Variants in CAMK1D observed in about 807,000 individuals in gnomAD.
The protein encoded by CAMK1D is calcium/calmodulin dependent protein kinase ID.
In CAMK1D, 9 loss-of-function variants were observed where a neutral mutation model predicts 47.7. That is an observed-to-expected ratio of 0.19 (90% CI 0.11 to 0.33). CAMK1D has a LOEUF of 0.33. Among genes scored for constraint, CAMK1D ranks in the 10% least tolerant of loss-of-function variants. The pLI is 1.00. For missense variants in CAMK1D, 291 were observed against 488.7 expected, an observed-to-expected ratio of 0.60 and a Z score of 3.81; for synonymous variants, 184 against 184.9, an observed-to-expected ratio of 0.99 and a Z score of 0.04.
chr10:12,387,694 T>A (rs911798403), intron 1 of CAMK1D, among the ~76,000 whole-genome samples: 1 of 151,308 alleles, frequency 6.6e-6, no homozygotes, highest in Non-Finnish European at 1.5e-5. Flanking sequence ...CTCGCTATGT[T>A]GCTCAGCTTG....
rs558644046 is a variant in CAMK1D, at chr10:12,494,418, G to A, written c.93-58807G>A. On this transcript the variant is annotated intron_variant, in intron 1 of 10. Transcript: ENST00000619168. ...TTTAATATTAATGTTACACACACAC[G>A]TACACACACACACATATATACTTAT... 1.1e-4 allele frequency among the ~76,000 whole-genome samples: 16 copies of A among 151,922 alleles called. No individual in the cohort carries two copies. In the South Asian group the frequency reaches 2.3e-3, roughly 22 times the overall value.
chr10:12,731,720 G>A (rs763228816), intron 3 of CAMK1D, among the ~76,000 whole-genome samples: 1 of 152,188 alleles, frequency 6.6e-6, no homozygotes, highest in Non-Finnish European at 1.5e-5. Context: ...GTGAAAAGAT[G>A]ACAGATGGAA....
At chr10:12,377,367 C>T (rs1838214855) in intron 1 of CAMK1D, among the ~76,000 whole-genome samples, 1 of 152,126 alleles carries the variant, frequency 6.6e-6, no homozygotes, top group Admixed American at 6.6e-5. Flanking sequence ...TTTATTTTCT[C>T]AAATGGCTAA....
intron 1 of CAMK1D, among the ~76,000 whole-genome samples, chr10:12,526,299 A>G (rs1002220167): frequency 6.6e-6 from 1 of 152,196 alleles, no homozygotes; most frequent in Non-Finnish European, 1.5e-5. Flanking sequence ...AGGAGTTAGT[A>G]TGGGACTTAC....
At chr10:12,538,610 A>G (rs1306507056) in intron 1 of CAMK1D, among the ~76,000 whole-genome samples, 1 of 152,162 alleles carries the variant, frequency 6.6e-6, no homozygotes, top group East Asian at 1.9e-4. Flanking sequence ...TGCGATGATG[A>G]GGATGGAGTG....
At chr10:12,653,762 T>C (rs1840044692) in intron 2 of CAMK1D, among the ~76,000 whole-genome samples, 1 of 152,230 alleles carries the variant, frequency 6.6e-6, no homozygotes, top group Non-Finnish European at 1.5e-5. Flanking sequence ...TCTTTTACAA[T>C]TGGCTTCCCA....
chr10:12,661,413 G>A (rs1840271321), intron 2 of CAMK1D, among the ~76,000 whole-genome samples: 1 of 152,126 alleles, frequency 6.6e-6, no homozygotes, highest in Non-Finnish European at 1.5e-5. Flanking sequence ...CTGTGATCTT[G>A]GAATACTTAC....
chr10:12,828,711 A>T, intron 10 of CAMK1D, 58 bp from the exon 11 acceptor site: 1 of 1,355,824 alleles, frequency 7.4e-7, no homozygotes, highest in Non-Finnish European at 1.0e-6. Context: ...TGGCAGTGGG[A>T]AGCAGGGTGA....
chr10:12,824,442 C>T (rs766893329), intron 8 of CAMK1D, 23 bp from the exon 9 acceptor site: 4 of 1,607,438 alleles, frequency 2.5e-6, no homozygotes, highest in Non-Finnish European at 3.4e-6. Context: ...CACTTCAGAG[C>T]AGCACCTTTG....
At chr10:12,788,757 CG>C (rs1414542429) in intron 5 of CAMK1D, among the ~76,000 whole-genome samples, 1 of 152,208 alleles carries the variant, frequency 6.6e-6, no homozygotes. Flanking sequence ...TCTTAGCAGT[CG>C]GGGCGGACGA....
chr10:12,828,635 C>T, intron 10 of CAMK1D, 134 bp from the exon 11 acceptor site: 2 of 644,402 alleles, frequency 3.1e-6, no homozygotes, highest in Middle Eastern at 4.2e-4. Context: ...AGTGAAACTC[C>T]ATCTCAAGAA....
At chr10:12,646,670 A>G (rs2132499582) in intron 2 of CAMK1D, among the ~76,000 whole-genome samples, 1 of 152,278 alleles carries the variant, frequency 6.6e-6, no homozygotes, top group Non-Finnish European at 1.5e-5. Context: ...TTAGCCTGGT[A>G]TCCTGCACAT....
chr10:12,633,868 T>G (rs1839445603), intron 2 of CAMK1D, among the ~76,000 whole-genome samples: 1 of 151,982 alleles, frequency 6.6e-6, no homozygotes. Context: ...GGAGTTACTC[T>G]TTTTAAAAGG....
chr10:12,754,521 C>G (rs1291912559), intron 3 of CAMK1D, among the ~76,000 whole-genome samples: 1 of 152,180 alleles, frequency 6.6e-6, no homozygotes, highest in East Asian at 1.9e-4. Context: ...AATGTATATT[C>G]AAAGACACAT....
intron 1 of CAMK1D, among the ~76,000 whole-genome samples, chr10:12,489,192 C>T (rs2132115253): frequency 6.6e-6 from 1 of 152,264 alleles, no homozygotes; most frequent in African/African-American, 2.4e-5. Context: ...CCGGCCTCGG[C>T]CTCCCAAAGT....
intron 1 of CAMK1D, among the ~76,000 whole-genome samples, chr10:12,506,537 C>T (rs568838701): frequency 9.8e-4 from 148 of 151,174 alleles, no homozygotes; most frequent in African/African-American, 3.4e-3. Flanking sequence ...TTTTTTGAGA[C>T]GGGGAGTCTC....
chr10:12,504,299 A>C (rs1319648288), intron 1 of CAMK1D, among the ~76,000 whole-genome samples: 1 of 152,068 alleles, frequency 6.6e-6, no homozygotes, highest in Non-Finnish European at 1.5e-5. Context: ...TCAGTCCGAC[A>C]GTCCAAGTCC....
intron 1 of CAMK1D, among the ~76,000 whole-genome samples, chr10:12,421,257 T>G (rs545225918): frequency 2.2e-4 from 34 of 152,318 alleles, no homozygotes; most frequent in African/African-American, 7.9e-4. Context: ...TCTGAGAGCT[T>G]TACTGTGCAG....
chr10:12,791,590 G>A (rs776989629), intron 6 of CAMK1D, among the ~76,000 whole-genome samples: 3 of 152,192 alleles, frequency 2.0e-5, no homozygotes, highest in Admixed American at 6.5e-5. Flanking sequence ...ATCCTTTGAT[G>A]TCAGGCATAT....
Sources: gnomAD v4.1 joint callset for allele counts (sites outside exome capture counted in the v4.1 genomes callset) on GRCh38, gnomAD v4.1.1 for gene constraint, MANE v1.5 for transcripts, NCBI Gene and HGNC (gene_info 2026-07-23, HGNC 2026-07-21) for gene names.